Variants in MADD observed in about 807,000 individuals in gnomAD.
MADD encodes MAP kinase activating death domain.
MADD carries 109 observed loss-of-function variants against 176.7 expected under a neutral mutation model. The ratio of observed to expected loss-of-function variants is 0.62; its 90% CI spans 0.53 to 0.72. The LOEUF is 0.72. MADD is among the 30% of genes least tolerant of loss of function. The pLI is 0.00. For missense variants in MADD, 1,914 were observed against 2,045.5 expected (o/e 0.94, Z 1.24); for synonymous variants, 771 against 771.3 (o/e 1.00, Z 0.01).
chr11:47,290,183 A>C, exon 18 of MADD: 1 of 1,613,660 alleles, frequency 6.2e-7, no homozygotes, highest in Non-Finnish European at 8.5e-7. Flanking sequence ...GGAATGTTAG[A>C]CCTCCTCAAG....
intron 26 of MADD, among the ~76,000 whole-genome samples, chr11:47,313,451 AGTACAGGC>A (rs1464074062): frequency 6.7e-6 from 1 of 150,044 alleles, no homozygotes; most frequent in African/African-American, 2.5e-5. Context: ...AGCAGCTGGG[AGTACAGGC>A]GTATGCTGCC....
exon 6 of MADD, chr11:47,278,168 C>T: frequency 6.2e-7 from 1 of 1,610,084 alleles, no homozygotes; most frequent in Non-Finnish European, 8.5e-7. Context: ...TCCACAGCTG[C>T]TGTTGGCTCC....
intron 4 of MADD, 91 bp downstream of exon 4, chr11:47,276,293 A>T: frequency 1.5e-6 from 2 of 1,303,922 alleles, no homozygotes; most frequent in Non-Finnish European, 1.0e-6. Context: ...CAGGGACTAC[A>T]TATTTTTCAC....
chr11:47,309,079 C>T, intron 23 of MADD, 37 bp downstream of exon 26: 1 of 1,610,572 alleles, frequency 6.2e-7, no homozygotes, highest in Non-Finnish European at 8.5e-7. Context: ...TTCATCCCTC[C>T]TCCTTGGGAG....
exon 13 of MADD, chr11:47,285,019 A>G: frequency 7.4e-6 from 12 of 1,614,154 alleles, no homozygotes; most frequent in Non-Finnish European, 1.0e-5. Flanking sequence ...GCCTCCCAGC[A>G]TTGGCAAATC....
intron 20 of MADD, among the ~76,000 whole-genome samples, chr11:47,294,340 C>A: frequency 7.1e-6 from 1 of 140,284 alleles, no homozygotes. Flanking sequence ...AAAGGTGAAA[C>A]TCCATCTCAA....
exon 25 of MADD, chr11:47,309,561 C>T (rs1188425777): frequency 1.2e-6 from 2 of 1,614,054 alleles, no homozygotes; most frequent in African/African-American, 2.7e-5. Flanking sequence ...ATGAAGATCG[C>T]TTGTTGGCCA....
At chr11:47,318,789 A>ATTTTT (rs57548484) in intron 27 of MADD, among the ~76,000 whole-genome samples, 18 of 82,482 alleles carry the variant, frequency 2.2e-4, no homozygotes, top group African/African-American at 5.1e-4. Flanking sequence ...CAGTTTGGGA[A>ATTTTT]TTTTTTTTTT....
chr11:47,289,083 T>G, intron 15 of MADD, 56 bp downstream of exon 16: 1 of 1,508,120 alleles, frequency 6.6e-7, no homozygotes, highest in South Asian at 1.3e-5. Context: ...GCATCTTCTG[T>G]GCCTGCCCGA....
At chr11:47,327,357 C>G (rs1285534478) in intron 31 of MADD, 2 of 985,310 alleles carry the variant, frequency 2.0e-6, no homozygotes, top group Admixed American at 6.1e-5. Flanking sequence ...AGTGGGTTCT[C>G]ACCCTGGGGC....
chr11:47,296,207 T>G (rs577792257), intron 22 of MADD, 152 bp downstream of exon 24: 1 of 923,528 alleles, frequency 1.1e-6, no homozygotes, highest in South Asian at 1.8e-5. Flanking sequence ...AAAACATTTC[T>G]TAAGGCTTTG....
At chr11:47,299,975 A>G (rs918642449) in intron 22 of MADD, among the ~76,000 whole-genome samples, 1 of 152,168 alleles carries the variant, frequency 6.6e-6, no homozygotes, top group Non-Finnish European at 1.5e-5. Flanking sequence ...TGTAGAGGAA[A>G]AACTTTCATC....
rs1168399554 is a variant in MADD, at chr11:47,296,072, A to G, written c.3642+17A>G. 6.2e-7 allele frequency: 1 copy of G among 1,600,168 alleles called. No individual in the cohort carries two copies. Among genetic ancestry groups the G allele is most frequent in the African/African-American group, 1.3e-5 (1 of 74,480 alleles). On this transcript the variant is annotated intron_variant, in intron 22 of 32. Transcript: ENST00000402192. ...ACCATCTTTGTAAGCTTTGTTTATTAACAAAAGAAAACCATTTCTTTAATG... is the reference window on the plus strand; with the variant it reads ...ACCATCTTTGTAAGCTTTGTTTATTGACAAAAGAAAACCATTTCTTTAATG...
Position 47,310,570 on chromosome 11 carries a change from A to G in MADD, c.3978+958A>G, listed in dbSNP as rs569863954. 4.5e-4 allele frequency among the ~76,000 whole-genome samples: 69 copies of G among 152,228 alleles called. 2 individuals are homozygous for G. The South Asian group carries it at 0.014, about 30-fold the overall frequency. On this transcript the variant is annotated intron_variant, in intron 25 of 32. Coordinates refer to ENST00000402192, the Ensembl canonical transcript of MADD. The stretch of plus-strand genomic sequence containing the variant: ...TAGAGCTTCCCACAAAATACAATGA[A>G]TTAATTTTTTTTTTTACAATAGTAG...
intron 31 of MADD, 153 bp downstream of exon 35, chr11:47,326,960 G>C (rs2095513194): frequency 7.0e-7 from 1 of 1,424,934 alleles, no homozygotes; most frequent in Admixed American, 2.8e-5. Flanking sequence ...GGACCCCTGA[G>C]ATGAGAGCCG....
At chr11:47,290,021 G>A (rs757538680) in exon 17 of MADD, 42 of 1,614,082 alleles carry the variant, frequency 2.6e-5, no homozygotes, top group Non-Finnish European at 3.5e-5. Flanking sequence ...GCAGTCAGAG[G>A]ACGATGCCCG....
At chr11:47,322,529 G>A (rs558433557) in intron 27 of MADD, among the ~76,000 whole-genome samples, 109 of 152,074 alleles carry the variant, frequency 7.2e-4, no homozygotes, top group African/African-American at 2.2e-3. Context: ...GGAGAATGGC[G>A]TGAACCTGGG....
Position 47,325,102 on chromosome 11 carries a change from T to C in MADD, c.4542+525T>C. 1 of 265,654 alleles carries C rather than the reference T, an allele frequency of 3.8e-6. No homozygotes were observed. Among genetic ancestry groups the C allele is most frequent in the Non-Finnish European group, 7.3e-6 (1 of 137,836 alleles). The allele number at this position is 265,654 out of a possible 1,614,324, so 16.5% of individuals were successfully genotyped here. On this transcript the variant is annotated intron_variant, in intron 30 of 32. Coordinates refer to ENST00000402192, the Ensembl canonical transcript of MADD. The surrounding 1 kb of genome is among the most constrained non-coding windows in gnomAD (Gnocchi z 4.5). Reference sequence around the variant, plus strand: ...TTTTTCTTCTGCGGATTCTTCTTCCTGTTCTTTTCCTTCCTCTGAGTGTTC... The same window carrying C: ...TTTTTCTTCTGCGGATTCTTCTTCCCGTTCTTTTCCTTCCTCTGAGTGTTC...
chr11:47,329,400 TGTGGGGCCG>T, exon 33 of MADD: 1 of 531,504 alleles, frequency 1.9e-6, no homozygotes, highest in Non-Finnish European at 3.4e-6. Context: ...GTGTACAGTC[TGTGGGGCCG>T]GTGTGAACCC....
Sources: allele counts gnomAD v4.1 joint callset (sites outside exome capture counted in the v4.1 genomes callset), GRCh38; gene constraint gnomAD v4.1.1; non-coding constraint Gnocchi (gnomAD v3.1); transcripts MANE v1.5; gene names NCBI Gene and HGNC (gene_info 2026-07-23, HGNC 2026-07-21).